Variants in COL25A1 observed in about 807,000 individuals in gnomAD.
COL25A1 encodes collagen type XXV alpha 1 chain.
In COL25A1, 103 loss-of-function variants were observed where a neutral mutation model predicts 128.4. That is an observed-to-expected ratio of 0.80 (90% CI 0.68 to 0.94). The LOEUF is 0.94. Among genes scored for constraint, COL25A1 ranks in the 40% least tolerant of loss-of-function variants. COL25A1 has a pLI of 0.00. For synonymous variants in COL25A1, 279 were observed against 277.2 expected (o/e 1.01, Z -0.06); for missense variants, 745 against 840.0 (o/e 0.89, Z 1.40).
intron 3 of COL25A1, among the ~76,000 whole-genome samples, chr4:109,202,205 A>T (rs1004019950): frequency 6.6e-6 from 1 of 152,168 alleles, no homozygotes; most frequent in Non-Finnish European, 1.5e-5. Flanking sequence ...ATGCTACCCG[A>T]CTTCAAAACT....
chr4:109,297,280 A>G (rs1490038609), intron 3 of COL25A1, among the ~76,000 whole-genome samples: 2 of 152,150 alleles, frequency 1.3e-5, no homozygotes, highest in East Asian at 3.8e-4. Context: ...TGTTTTAAAA[A>G]TCTTAAAATA....
intron 3 of COL25A1, among the ~76,000 whole-genome samples, chr4:109,129,270 C>G (rs541233859): frequency 2.0e-5 from 3 of 152,062 alleles, no homozygotes; most frequent in African/African-American, 7.2e-5. Flanking sequence ...GGTGGGATTA[C>G]AGGCCTGCAC....
chr4:109,053,055 A>G (rs1174067224), intron 3 of COL25A1, among the ~76,000 whole-genome samples: 3 of 152,166 alleles, frequency 2.0e-5, no homozygotes, highest in Non-Finnish European at 4.4e-5. Context: ...ATGAATGGGA[A>G]GAGAAAAAAC....
At chr4:108,984,762 G>GC (rs1466136905) in intron 6 of COL25A1, among the ~76,000 whole-genome samples, 2 of 152,238 alleles carry the variant, frequency 1.3e-5, no homozygotes, top group Non-Finnish European at 2.9e-5. Context: ...AGCTGAGGGA[G>GC]CCGGCTCCGG....
chr4:109,178,336 C>T (rs904428332), intron 3 of COL25A1, among the ~76,000 whole-genome samples: 2 of 152,084 alleles, frequency 1.3e-5, no homozygotes, highest in African/African-American at 4.8e-5. Context: ...TCCTTTTAAC[C>T]TGAACATTGG....
intron 3 of COL25A1, among the ~76,000 whole-genome samples, chr4:109,070,956 T>A (rs953200844): frequency 1.3e-5 from 2 of 151,980 alleles, no homozygotes; most frequent in Non-Finnish European, 2.9e-5. Flanking sequence ...TTGGGTTGAT[T>A]CCAAGTCTTT....
chr4:108,894,148 G>A (rs1741862930), intron 16 of COL25A1, among the ~76,000 whole-genome samples: 1 of 152,088 alleles, frequency 6.6e-6, no homozygotes, highest in South Asian at 2.1e-4. Flanking sequence ...TATAAAATAA[G>A]AACAGTATTC....
intron 3 of COL25A1, among the ~76,000 whole-genome samples, chr4:109,104,347 T>C (rs187898978): frequency 1.3e-5 from 2 of 152,088 alleles, no homozygotes; most frequent in African/African-American, 4.8e-5. Context: ...CACTCCAGCC[T>C]GGGTGACAGA....
At chr4:108,927,787 TC>T (rs1387060033) in intron 11 of COL25A1, among the ~76,000 whole-genome samples, 2 of 152,200 alleles carry the variant, frequency 1.3e-5, no homozygotes, top group Non-Finnish European at 2.9e-5. Context: ...GGCTATGACC[TC>T]TTTAAGGGAG....
chr4:108,821,107 A>G (rs904546004), intron 35 of COL25A1, among the ~76,000 whole-genome samples: 1 of 152,248 alleles, frequency 6.6e-6, no homozygotes, highest in Non-Finnish European at 1.5e-5. Context: ...TGAAAGGTTA[A>G]AAGAGATATA....
At chr4:109,214,475 G>A (rs1777827849) in intron 3 of COL25A1, among the ~76,000 whole-genome samples, 1 of 152,030 alleles carries the variant, frequency 6.6e-6, no homozygotes, top group African/African-American at 2.4e-5. Flanking sequence ...CTAGTAACCA[G>A]TAACACTGAG....
At chr4:108,998,827 T>A (rs1352953720) in intron 6 of COL25A1, among the ~76,000 whole-genome samples, 1 of 152,206 alleles carries the variant, frequency 6.6e-6, no homozygotes, top group African/African-American at 2.4e-5. Context: ...TACAACCCTC[T>A]GATCTTTGAC....
chr4:109,189,734 A>T (rs939131545), intron 3 of COL25A1, among the ~76,000 whole-genome samples: 3 of 152,056 alleles, frequency 2.0e-5, no homozygotes, highest in African/African-American at 7.2e-5. Context: ...TTATTTAAAA[A>T]TTTTACTAAT....
intron 3 of COL25A1, among the ~76,000 whole-genome samples, chr4:109,174,573 G>C (rs1379595264): frequency 6.6e-6 from 1 of 152,068 alleles, no homozygotes; most frequent in Admixed American, 6.6e-5. Context: ...CCCCTCTGTG[G>C]CACTGCAGGG....
intron 3 of COL25A1, among the ~76,000 whole-genome samples, chr4:109,168,345 G>A (rs1773265406): frequency 6.6e-6 from 1 of 152,110 alleles, no homozygotes; most frequent in African/African-American, 2.4e-5. Context: ...TAAATATGGA[G>A]ATCAAAAGCA....
intron 31 of COL25A1, 82 bp downstream of exon 31, chr4:108,841,613 T>C (rs2125750643): frequency 1.8e-6 from 2 of 1,118,718 alleles, no homozygotes; most frequent in Non-Finnish European, 2.7e-6. Flanking sequence ...ATAAATAAGA[T>C]AGGACAGACA....
intron 15 of COL25A1, among the ~76,000 whole-genome samples, chr4:108,898,916 A>T (rs1168946478): frequency 6.6e-6 from 1 of 152,148 alleles, no homozygotes. Context: ...GTCTATACAT[A>T]AGAATCACAC....
Position 109,137,984 on chromosome 4 carries a change from A to ATATATGTGTGTGTGTG in COL25A1, c.368-87806_368-87805insCACACACACACATATA, listed in dbSNP as rs547874075. 1.4e-4 allele frequency among the ~76,000 whole-genome samples: 20 copies of ATATATGTGTGTGTGTG among 142,592 alleles called. 1 individual carries two copies. Among genetic ancestry groups the ATATATGTGTGTGTGTG allele is most frequent in the East Asian group, 1.1e-3 (5 of 4,750 alleles). The allele number at this position is 142,592 out of a possible 152,430, so 93.5% of individuals were successfully genotyped here. A position where few individuals can be genotyped will look rare whatever the true frequency, so the allele number is the denominator to read the frequency against. On this transcript the variant is annotated intron_variant, in intron 3 of 37. Coordinates refer to ENST00000399132, the MANE Select transcript of COL25A1 (RefSeq NM_198721.4). ...AACAGAAATTTCATTTTATATATAT[A>ATATATGTGTGTGTGTG]TGTGTGTGTGTGTGTGTGTGTGTGT... is the stretch of plus-strand genomic sequence containing the variant.
At chr4:108,988,710 C>G (rs1753888537) in intron 6 of COL25A1, among the ~76,000 whole-genome samples, 2 of 152,236 alleles carry the variant, frequency 1.3e-5, no homozygotes, top group Admixed American at 1.3e-4. Flanking sequence ...ATGGCAAATG[C>G]TGCACTGAAA....
Sources: gnomAD v4.1 joint callset for allele counts (sites outside exome capture counted in the v4.1 genomes callset) on GRCh38, gnomAD v4.1.1 for gene constraint, MANE v1.5 for transcripts, NCBI Gene and HGNC (gene_info 2026-07-23, HGNC 2026-07-21) for gene names.